Variants in NHS observed in about 807,000 individuals in gnomAD.
The protein encoded by NHS is actin remodeling regulator NHS.
A neutral mutation model predicts 72.5 loss-of-function variants in NHS; 5 were observed. The ratio of observed to expected loss-of-function variants is 0.07; its 90% confidence interval spans 0.04 to 0.14. The LOEUF is 0.14. Among genes scored for constraint, NHS ranks in the 10% least tolerant of loss-of-function variants. The pLI is 1.00. For missense variants in NHS, 1,072 were observed against 1,355.7 expected (o/e 0.79, Z 3.29); for synonymous variants, 464 against 547.7 (o/e 0.85, Z 2.13).
chrX:17,539,686 G>T (rs2065253189), intron 1 of NHS, among the ~76,000 whole-genome samples: 1 of 111,093 alleles, frequency 9.0e-6, no homozygotes, highest in Non-Finnish European at 1.9e-5. Flanking sequence ...AGCAGACCTT[G>T]GTTGGAACCC....
At chrX:17,585,898 TAA>T (rs1208803202) in intron 1 of NHS, 1 of 110,566 alleles carries the variant, frequency 9.0e-6, no homozygotes, top group South Asian at 3.9e-4. Flanking sequence ...AAAAAAATAA[TAA>T]GAGTGTGTCT....
rs1479947115 is a variant in NHS, at chrX:17,726,100, C to T, written c.1994C>T (p.Ser665Leu). The T allele has an allele frequency of 1.7e-6, 2 of 1,210,199 alleles. No homozygotes were observed. The highest frequency in any genetic ancestry group is 1.1e-6 in the Non-Finnish European group (1 of 895,268). The part of the protein sequence containing the change: ...PPLTGSSHCD[S>L]ELSLNTAPHA... ...CTCACTGGCTCTTCACACTGTGACT[C>T]GGAGTTGTCACTAAACACAGCCCCT... Residue 665 changes from serine (S) to leucine (L), a missense_variant, in exon 7 of 9, where the codon TCG becomes TTG. Coordinates refer to ENST00000676302, the MANE Select transcript of NHS (RefSeq NM_001291867.2).
chrX:17,537,615 C>G (rs1485411247), intron 1 of NHS, among the ~76,000 whole-genome samples: 1 of 112,184 alleles, frequency 8.9e-6, no homozygotes, highest in Non-Finnish European at 1.9e-5. Flanking sequence ...GGCCTGTTGG[C>G]TCAGCAGAGT....
chrX:17,566,760 G>A lies in NHS; in HGVS notation c.566-120982G>A, dbSNP rs185293608. On this transcript the variant is annotated intron_variant, in intron 1 of 8. Coordinates refer to ENST00000676302, the MANE Select transcript of NHS (RefSeq NM_001291867.2). The stretch of plus-strand genomic sequence containing the variant: ...CTTGACACACTTGCTTATCTGATCC[G>A]TTACAGCTTGTGATTATGGAAGAGG... 1.3e-3 allele frequency among the ~76,000 whole-genome samples: 145 copies of A among 108,457 alleles called. 1 individual carries two copies. Among genetic ancestry groups the A allele is most frequent in the African/African-American group, 4.4e-3 (132 of 29,826 alleles). The allele number at this position is 108,457 out of a possible 115,157, so 94.2% of individuals were successfully genotyped here.
At chrX:17,665,952 A>C (rs2066010468) in intron 1 of NHS, among the ~76,000 whole-genome samples, 1 of 112,281 alleles carries the variant, frequency 8.9e-6, no homozygotes, top group Non-Finnish European at 1.9e-5. Context: ...GAGTAGGCAG[A>C]AAAACCAAAC....
chrX:17,681,451 A>G (rs2066128290), intron 1 of NHS, among the ~76,000 whole-genome samples: 1 of 111,684 alleles, frequency 9.0e-6, no homozygotes, highest in South Asian at 3.8e-4. Flanking sequence ...CAAGAGCCCA[A>G]GCTCTTTCCA....
At chrX:17,489,079 A>C (rs1438380794) in intron 1 of NHS, among the ~76,000 whole-genome samples, 2 of 111,596 alleles carry the variant, frequency 1.8e-5, no homozygotes, top group Non-Finnish European at 3.8e-5. Flanking sequence ...GCTGAGAATG[A>C]TGGTTTCCAG....
intron 1 of NHS, among the ~76,000 whole-genome samples, chrX:17,577,925 C>T (rs1325549197): frequency 9.0e-6 from 1 of 111,705 alleles, no homozygotes; most frequent in Admixed American, 9.5e-5. Context: ...AGGACTCCTC[C>T]AGTACTATAG....
Position 17,477,347 on chromosome X carries a change from G to T in NHS, c.565+101025G>T, listed in dbSNP as rs753699374. 2.1e-4 allele frequency among the ~76,000 whole-genome samples: 23 copies of T among 111,751 alleles called. 1 individual carries two copies. The highest frequency in any genetic ancestry group is 3.9e-4 in the Non-Finnish European group (21 of 53,170). On this transcript the variant is annotated intron_variant, in intron 1 of 8. Transcript: ENST00000676302. Reference sequence around the variant, plus strand: ...TAAGTGCAAAGGCCCTGAGGCTGGGGTGTGTGCCTGTCATATTTGAGGAAT... The same window carrying T: ...TAAGTGCAAAGGCCCTGAGGCTGGGTTGTGTGCCTGTCATATTTGAGGAAT...
chrX:17,589,382 T>G (rs1013934255), intron 1 of NHS, among the ~76,000 whole-genome samples: 22 of 111,717 alleles, frequency 2.0e-4, no homozygotes, highest in African/African-American at 5.9e-4. Context: ...TCCTCATAGC[T>G]TAGCTCCCAC....
At chrX:17,604,918 T>C (rs1005958070) in intron 1 of NHS, among the ~76,000 whole-genome samples, 1 of 111,961 alleles carries the variant, frequency 8.9e-6, no homozygotes, top group Non-Finnish European at 1.9e-5. Context: ...GTCTCACAAC[T>C]GTAGCCCAAC....
chrX:17,489,152 C>T (rs376410827), intron 1 of NHS, among the ~76,000 whole-genome samples: 40 of 112,026 alleles, frequency 3.6e-4, no homozygotes, highest in African/African-American at 8.8e-4. Flanking sequence ...TAGTATTCTA[C>T]GGTGTATATG....
intron 1 of NHS, among the ~76,000 whole-genome samples, chrX:17,502,381 C>A (rs911006755): frequency 1.8e-5 from 2 of 111,610 alleles, no homozygotes; most frequent in South Asian, 3.8e-4. Flanking sequence ...CCTTTTCTGC[C>A]TGGAACCTTC....
At position 17,376,180 on chromosome X, in the gene NHS, C is replaced by T; in HGVS notation, c.423C>T (p.Asp141=). The T allele has an allele frequency of 8.4e-7, 1 of 1,190,858 alleles. No individual in the cohort carries two copies. Among genetic ancestry groups the T allele is most frequent in the Non-Finnish European group, 1.1e-6 (1 of 891,036 alleles). ...ALARVLRQLS[D]VARHACSLFQ... Reference sequence around the variant, plus strand: ...CCCGTGTCCTCCGGCAGCTCTCGGACGTGGCCCGGCACGCTTGCAGCCTCT... The same window carrying T: ...CCCGTGTCCTCCGGCAGCTCTCGGATGTGGCCCGGCACGCTTGCAGCCTCT... Residue 141 remains aspartate (D), a synonymous_variant, in exon 1 of 9, where the codon GAC becomes GAT. Coordinates refer to ENST00000676302, the MANE Select transcript of NHS (RefSeq NM_001291867.2).
intron 1 of NHS, among the ~76,000 whole-genome samples, chrX:17,633,425 G>T (rs779821732): frequency 2.6e-4 from 29 of 112,213 alleles, no homozygotes; most frequent in Non-Finnish European, 4.9e-4. Context: ...TCCTAGAGCT[G>T]TTACATTCTA....
chrX:17,724,093 CTG>C (rs1167079707), intron 5 of NHS, among the ~76,000 whole-genome samples: 1 of 111,752 alleles, frequency 8.9e-6, no homozygotes, highest in Non-Finnish European at 1.9e-5. Flanking sequence ...GCAGTGCAAA[CTG>C]TTGTGGAGAG....
chrX:17,583,021 C>A (rs1389857569), intron 1 of NHS, among the ~76,000 whole-genome samples: 1 of 111,858 alleles, frequency 8.9e-6, no homozygotes, highest in Non-Finnish European at 1.9e-5. Context: ...TTTGGTCTTT[C>A]TATCATGAGT....
intron 1 of NHS, among the ~76,000 whole-genome samples, chrX:17,656,388 G>T (rs760884716): frequency 4.4e-5 from 5 of 113,245 alleles, no homozygotes; most frequent in East Asian, 5.6e-4. Flanking sequence ...GACCAGCCTG[G>T]GGGGAGGGGG....
chrX:17,381,493 A>G (rs1004214881), intron 1 of NHS, among the ~76,000 whole-genome samples: 2 of 111,616 alleles, frequency 1.8e-5, no homozygotes, highest in African/African-American at 6.5e-5. Context: ...AACTCTCCCA[A>G]TTTCTACCCT....
Sources: gnomAD v4.1 joint callset for allele counts (sites outside exome capture counted in the v4.1 genomes callset) on GRCh38, gnomAD v4.1.1 for gene constraint, MANE v1.5 for transcripts, NCBI Gene and HGNC (gene_info 2026-07-23, HGNC 2026-07-21) for gene names.